PHKB: variants seen among roughly 807,000 people sequenced by gnomAD.
PHKB encodes phosphorylase b kinase regulatory subunit beta.
In PHKB, 122 loss-of-function variants were observed where a neutral mutation model predicts 152.1. That is an observed-to-expected ratio of 0.80 (90% CI 0.69 to 0.93). PHKB has a LOEUF of 0.93. Ranked by LOEUF, PHKB falls within the 40% of genes least tolerant of loss-of-function variation. PHKB has a pLI of 0.00. For synonymous variants in PHKB, 436 were observed against 464.9 expected (o/e 0.94, Z 0.80); for missense variants, 1,304 against 1,328.4 (o/e 0.98, Z 0.29).
At chr16:47,537,170 G>T (rs970522635) in intron 6 of PHKB, among the ~76,000 whole-genome samples, 2 of 152,134 alleles carry the variant, frequency 1.3e-5, no homozygotes, top group African/African-American at 2.4e-5. Context: ...ATGAATATGG[G>T]GTTAAAAGGA....
intron 7 of PHKB, among the ~76,000 whole-genome samples, chr16:47,555,801 A>G (rs1024661566): frequency 5.3e-5 from 8 of 152,164 alleles, no homozygotes; most frequent in African/African-American, 1.9e-4. Context: ...GTTTTTTCCA[A>G]TTCTGTGAAG....
intron 7 of PHKB, among the ~76,000 whole-genome samples, chr16:47,553,347 G>A (rs1971308279): frequency 6.6e-6 from 1 of 151,884 alleles, no homozygotes; most frequent in African/African-American, 2.4e-5. Context: ...ACGTGTGTAT[G>A]TGTCATGAAG....
At chr16:47,601,009 C>G (rs1024797179) in intron 13 of PHKB, among the ~76,000 whole-genome samples, 1 of 152,046 alleles carries the variant, frequency 6.6e-6, no homozygotes, top group Non-Finnish European at 1.5e-5. Context: ...TTTTTGTATT[C>G]TTAGTAGAGA....
At chr16:47,640,607 A>T (rs190423545) in intron 14 of PHKB, among the ~76,000 whole-genome samples, 45 of 152,310 alleles carry the variant, frequency 3.0e-4, no homozygotes, top group Non-Finnish European at 2.9e-5. Context: ...AAAGGGAATA[A>T]CCTTATATGT....
intron 14 of PHKB, among the ~76,000 whole-genome samples, chr16:47,621,948 TA>T (rs1431729971): frequency 9.2e-5 from 14 of 152,198 alleles, no homozygotes; most frequent in African/African-American, 2.9e-4. Context: ...TAAACACATT[TA>T]ATAACATCAT....
At chr16:47,461,495 C>G in intron 1 of PHKB, 69 bp downstream of exon 1, 1 of 1,529,982 alleles carries the variant, frequency 6.5e-7, no homozygotes, top group Non-Finnish European at 9.0e-7. Flanking sequence ...AGCGCCTTGG[C>G]GGGAGGCAGG....
intron 14 of PHKB, among the ~76,000 whole-genome samples, chr16:47,634,560 G>A (rs1972883866): frequency 6.6e-6 from 1 of 152,214 alleles, no homozygotes; most frequent in Non-Finnish European, 1.5e-5. Flanking sequence ...GTAGACTGGG[G>A]TTGGAGATGC....
intron 1 of PHKB, among the ~76,000 whole-genome samples, chr16:47,478,425 T>A (rs1969905872): frequency 6.6e-6 from 1 of 152,052 alleles, no homozygotes; most frequent in African/African-American, 2.4e-5. Flanking sequence ...GTATTTCTGA[T>A]TTAAATGTTA....
At chr16:47,531,815 G>A (rs1289476832) in intron 6 of PHKB, among the ~76,000 whole-genome samples, 1 of 152,164 alleles carries the variant, frequency 6.6e-6, no homozygotes, top group African/African-American at 2.4e-5. Context: ...ACTACTATTG[G>A]AGAGGAAATT....
chr16:47,661,535 A>C lies in PHKB; in HGVS notation c.2197-184A>C, dbSNP rs535895124. ...ACCCTCTATCTCTAAGATATCTAAG[A>C]TAAATATGAATCGTTGTATAATGTC... On this transcript the variant is annotated intron_variant, in intron 22 of 30. Coordinates refer to ENST00000323584, the MANE Select transcript of PHKB (RefSeq NM_000293.3). Among the ~76,000 whole-genome samples, 2 of 152,318 alleles carry C rather than the reference A, an allele frequency of 1.3e-5. 1 individual carries two copies. Among genetic ancestry groups the C allele is most frequent in the African/African-American group, 4.8e-5 (2 of 41,564 alleles).
Position 47,557,255 on chromosome 16 carries a change from C to T in PHKB, c.710+9707C>T, listed in dbSNP as rs1419066244. Among the ~76,000 whole-genome samples the T allele has an allele frequency of 5.9e-5, 9 of 152,264 alleles. No homozygotes were observed. In the East Asian group the frequency reaches 1.2e-3, roughly 20 times the overall value. On this transcript the variant is annotated intron_variant, in intron 7 of 30. Coordinates refer to ENST00000323584, the MANE Select transcript of PHKB (RefSeq NM_000293.3). ...ATTCAAGATGGATTAAAGACTTACA[C>T]GTTAGACCTAAAGCCATAAAAACCC... is the stretch of plus-strand genomic sequence containing the variant.
chr16:47,670,423 C>A (rs991103627), intron 26 of PHKB, among the ~76,000 whole-genome samples: 4 of 152,152 alleles, frequency 2.6e-5, no homozygotes, highest in African/African-American at 9.7e-5. Context: ...CTCTTAATTT[C>A]TCATTATAAT....
rs927828081 is a variant in PHKB at position 47,546,830 on chromosome 16, C to G, written c.595-603C>G. On this transcript the variant is annotated intron_variant, in intron 6 of 30. Coordinates refer to ENST00000323584, the MANE Select transcript of PHKB (RefSeq NM_000293.3). ...CAATGGTGGACCCCCCTCCCCCAGCCAGGCTTGCTGCCGTGCAGTTCGATC... is the reference window on the plus strand; with the variant it reads ...CAATGGTGGACCCCCCTCCCCCAGCGAGGCTTGCTGCCGTGCAGTTCGATC... 4.7e-4 allele frequency among the ~76,000 whole-genome samples: 71 copies of G among 152,292 alleles called. 1 individual carries two copies. The highest frequency in any genetic ancestry group is 1.5e-3 in the African/African-American group (63 of 41,566).
chr16:47,521,945 C>CACTGCATT (rs1970692907), intron 6 of PHKB, among the ~76,000 whole-genome samples: 1 of 152,016 alleles, frequency 6.6e-6, no homozygotes, highest in Non-Finnish European at 1.5e-5. Context: ...TTTTAAATGT[C>CACTGCATT]ACTGCATTCA....
At chr16:47,473,726 T>A (rs1459813216) in intron 1 of PHKB, among the ~76,000 whole-genome samples, 1 of 152,234 alleles carries the variant, frequency 6.6e-6, no homozygotes, top group African/African-American at 2.4e-5. Context: ...TGAGAATTTT[T>A]TTAAAGTTAT....
At chr16:47,530,770 A>G (rs1006658392) in intron 6 of PHKB, among the ~76,000 whole-genome samples, 4 of 152,228 alleles carry the variant, frequency 2.6e-5, no homozygotes, top group African/African-American at 9.6e-5. Flanking sequence ...TAGCAGATGG[A>G]CAAAATTATA....
At chr16:47,549,606 ACT>A (rs1312815413) in intron 7 of PHKB, among the ~76,000 whole-genome samples, 2 of 151,752 alleles carry the variant, frequency 1.3e-5, no homozygotes, top group African/African-American at 2.4e-5. Flanking sequence ...GGGGCAGGAG[ACT>A]CTCTTGAACC....
At chr16:47,643,056 T>C (rs1973053735) in intron 16 of PHKB, among the ~76,000 whole-genome samples, 1 of 152,216 alleles carries the variant, frequency 6.6e-6, no homozygotes, top group African/African-American at 2.4e-5. Context: ...TTGATAAACA[T>C]ACTCTTAAAA....
intron 1 of PHKB, among the ~76,000 whole-genome samples, chr16:47,471,529 C>T (rs1026808402): frequency 2.6e-5 from 4 of 152,148 alleles, no homozygotes; most frequent in African/African-American, 9.7e-5. Context: ...CACCTGGCAC[C>T]ATGCTGGGTG....
Sources: allele counts gnomAD v4.1 joint callset (sites outside exome capture counted in the v4.1 genomes callset), GRCh38; gene constraint gnomAD v4.1.1; transcripts MANE v1.5; gene names NCBI Gene and HGNC (gene_info 2026-07-23, HGNC 2026-07-21).